The following OR2V2 variants were observed in gnomAD, a reference collection of about 807,000 sequenced individuals.
OR2V2 encodes olfactory receptor family 2 subfamily V member 2, also known as olfactory receptor 2V2.
For missense variants in OR2V2, 392 were observed against 392.2 expected, an observed-to-expected ratio of 1.00 and a Z score of 0.00; for synonymous variants, 161 against 151.3, an observed-to-expected ratio of 1.06 and a Z score of -0.47.
Position 181,155,131 on chromosome 5 carries a change from C to A in OR2V2, c.189C>A (p.Phe63Leu), listed in dbSNP as rs187715171. The A allele has an allele frequency of 1.1e-4, 170 of 1,614,236 alleles. 1 individual carries two copies. In the East Asian group the frequency reaches 3.1e-3, roughly 30 times the overall value. The change falls in exon 2 of 2, where the codon TTC (phenylalanine) becomes TTA (leucine). Residue 63 changes from phenylalanine (F) to leucine (L), a missense_variant. Transcript: ENST00000641492. ...ACCTTCACACCCCCATGTACTTCTTCCTCAGCCAGCTCTCCCTCATGGACC... is the reference window on the plus strand; with the variant it reads ...ACCTTCACACCCCCATGTACTTCTTACTCAGCCAGCTCTCCCTCATGGACC... ...DPHLHTPMYF[F>L]LSQLSLMDLM...
At chr5:181,148,814 C>A (rs139969087) in intron 1 of OR2V2, among the ~76,000 whole-genome samples, 1 of 152,292 alleles carries the variant, frequency 6.6e-6, no homozygotes, top group East Asian at 1.9e-4. Context: ...GGAGGCCTTG[C>A]CAAGAAGGCG....
rs374172644 is a variant in OR2V2 at position 181,154,937 on chromosome 5, C to T, written c.-6C>T. ...TTCTCAGGTGACCAGGAGCAACAAC[C>T]GAGCCATGGAGACGTGGGTGAACCA... On this transcript the variant is annotated 5_prime_UTR_variant, in exon 2 of 2. Coordinates refer to ENST00000641492, the MANE Select transcript of OR2V2 (RefSeq NM_206880.2). The T allele has an allele frequency of 2.2e-5, 35 of 1,603,102 alleles. No individual in the cohort carries two copies. Among genetic ancestry groups the T allele is most frequent in the Non-Finnish European group, 2.6e-5 (31 of 1,170,486 alleles).
At position 181,156,031 on chromosome 5, in the gene OR2V2, C is replaced by G. The variant is rs1763259940; in HGVS notation, c.*141C>G. ...CAGACTTGGAAGGTCTTTTTAAACA[C>G]TACATCAGTTCTTTCTTTCTTTCTT... On this transcript the variant is annotated 3_prime_UTR_variant, in exon 2 of 2. Transcript: ENST00000641492. The G allele has an allele frequency of 1.9e-6, 1 of 538,578 alleles. No homozygotes were observed. Among genetic ancestry groups the G allele is most frequent in the Non-Finnish European group, 3.0e-6 (1 of 338,780 alleles). The allele number at this position is 538,578 out of a possible 1,614,324, so 33.4% of individuals were successfully genotyped here.
chr5:181,158,257 T>A lies in OR2V2; in HGVS notation c.*2367T>A, dbSNP rs1174728809. 6.6e-6 allele frequency: 1 copy of A among 151,646 alleles called. No individual in the cohort carries two copies. Among genetic ancestry groups the A allele is most frequent in the Non-Finnish European group, 1.5e-5 (1 of 67,936 alleles). The allele number at this position is 151,646 out of a possible 1,614,324, so 9.4% of individuals were successfully genotyped here. ...TGAAACAAGAGTTGCATAACTAGTC[T>A]CAGTGTGAGCAACTGCAAACTTAGA... On this transcript the variant is annotated 3_prime_UTR_variant, in exon 2 of 2. Coordinates refer to ENST00000641492, the MANE Select transcript of OR2V2 (RefSeq NM_206880.2).
At position 181,155,391 on chromosome 5, in the gene OR2V2, G is replaced by A; in HGVS notation, c.449G>A (p.Trp150Ter). 6.2e-7 allele frequency: 1 copy of A among 1,614,186 alleles called. No individual in the cohort carries two copies. Among genetic ancestry groups the A allele is most frequent in the Non-Finnish European group, 8.5e-7 (1 of 1,180,022 alleles). The change falls in exon 2 of 2, where the codon TGG becomes TAG. Residue 150 changes from tryptophan to a stop codon, truncating the protein, a stop_gained. Transcript: ENST00000641492. LOFTEE classifies it low-confidence loss of function (END_TRUNC). ...RVCLQITGSSWAFGIIDGLIQ... is the reference protein window; with the variant it reads ...RVCLQITGSS ...TGTCTCCAGATTACTGGGAGCTCCT[G>A]GGCCTTTGGGATAATCGATGGCTTG...
Position 181,157,580 on chromosome 5 carries a change from C to T in OR2V2, c.*1690C>T, listed in dbSNP as rs2113350662. ...GAAAATAGAAGTAACTTTCCTTAGT[C>T]ACGGGGCTGCAAGATTTTCCACTGT... On this transcript the variant is annotated 3_prime_UTR_variant, in exon 2 of 2. Coordinates refer to ENST00000641492, the MANE Select transcript of OR2V2 (RefSeq NM_206880.2). 1 of 152,354 alleles carries T rather than the reference C, an allele frequency of 6.6e-6. No individual in the cohort carries two copies. Among genetic ancestry groups the T allele is most frequent in the Non-Finnish European group, 1.5e-5 (1 of 68,040 alleles). 9.4% of individuals were successfully genotyped at this position (152,354 alleles called of 1,614,324 possible).
rs1162708025 is a variant in OR2V2, at chr5:181,155,818, C to T, written c.876C>T (p.Ser292=). 2.5e-6 allele frequency: 4 copies of T among 1,614,196 alleles called. No individual in the cohort carries two copies. Among genetic ancestry groups the T allele is most frequent in the Non-Finnish European group, 2.5e-6 (3 of 1,180,038 alleles). The part of the protein sequence containing the change: ...LTPMLNPLIY[S]LRNREVMGAL... ...CCATGCTCAACCCCCTCATTTACAG[C>T]TTGAGGAACAGGGAGGTGATGGGGG... Residue 292 remains serine, a synonymous_variant, in exon 2 of 2, where the codon AGC becomes AGT. Transcript: ENST00000641492.
chr5:181,150,175 T>C (rs565475418), intron 1 of OR2V2, among the ~76,000 whole-genome samples: 40 of 152,326 alleles, frequency 2.6e-4, no homozygotes, highest in African/African-American at 9.4e-4. Flanking sequence ...GCACATCTTC[T>C]AGGGCACAAG....
intron 1 of OR2V2, among the ~76,000 whole-genome samples, chr5:181,153,475 T>A (rs1182408437): frequency 6.6e-6 from 1 of 151,928 alleles, no homozygotes; most frequent in Non-Finnish European, 1.5e-5. Context: ...TCGCTTGGGC[T>A]CAGGAGCTCG....
chr5:181,153,049 G>A (rs78929182), intron 1 of OR2V2, among the ~76,000 whole-genome samples: 2,367 of 152,354 alleles, frequency 0.016, 53 homozygotes, highest in African/African-American at 0.054. Context: ...GGTGCCTGAC[G>A]GTGCAGGCCC....
Position 181,156,972 on chromosome 5 carries a change from C to G in OR2V2, c.*1082C>G, listed in dbSNP as rs1763273983. 6.6e-6 allele frequency: 1 copy of G among 152,254 alleles called. No individual in the cohort carries two copies. The highest frequency in any genetic ancestry group is 1.5e-5 in the Non-Finnish European group (1 of 68,040). The allele number at this position is 152,254 out of a possible 1,614,324, so 9.4% of individuals were successfully genotyped here. A position where few individuals can be genotyped will look rare whatever the true frequency, so the allele number is the denominator to read the frequency against. On this transcript the variant is annotated 3_prime_UTR_variant, in exon 2 of 2. Transcript: ENST00000641492. Reference sequence around the variant, plus strand: ...AGCAGTGTGTGCTGCTCTGTGTCAGCTCAGCTTCTGTAAGGAGAAAACTGG... The same window carrying G: ...AGCAGTGTGTGCTGCTCTGTGTCAGGTCAGCTTCTGTAAGGAGAAAACTGG...
rs1554096518 is a variant in OR2V2 at position 181,156,039 on chromosome 5, G to GCTCTTTCTTTCT, written c.*149_*150insCTCTTTCTTTCT. ...GAAGGTCTTTTTAAACACTACATCAGTTCTTTCTTTCTTTCTTTCTTTCTT... is the reference window on the plus strand; with the variant it reads ...GAAGGTCTTTTTAAACACTACATCAGCTCTTTCTTTCTTTCTTTCTTTCTTTCTTTCTTTCTT... On this transcript the variant is annotated 3_prime_UTR_variant, in exon 2 of 2. Transcript: ENST00000641492. 2.1e-6 allele frequency: 1 copy of GCTCTTTCTTTCT among 487,444 alleles called. No homozygotes were observed. The highest frequency in any genetic ancestry group is 3.5e-6 in the Non-Finnish European group (1 of 287,822). The allele number at this position is 487,444 out of a possible 1,614,324, so 30.2% of individuals were successfully genotyped here.
intron 1 of OR2V2, 70 bp downstream of exon 1, chr5:181,148,065 G>A (rs765805167): frequency 8.8e-5 from 35 of 398,638 alleles, no homozygotes; most frequent in Middle Eastern, 6.2e-4. Flanking sequence ...GCTGGTTCAC[G>A]TCCCCATTTG....
In OR2V2 at chr5:181,155,401, G is replaced by A. The variant is rs749288116; in HGVS notation, c.459G>A (p.Gly153=). The stretch of plus-strand genomic sequence containing the variant: ...TTACTGGGAGCTCCTGGGCCTTTGG[G>A]ATAATCGATGGCTTGATCCAGATGG... ...LQITGSSWAF[G]IIDGLIQMVV... The change falls in exon 2 of 2, where the codon GGG becomes GGA. Residue 153 remains glycine (G), a synonymous_variant. Coordinates refer to ENST00000641492, the MANE Select transcript of OR2V2 (RefSeq NM_206880.2). The A allele has an allele frequency of 1.2e-6, 2 of 1,614,206 alleles. No homozygotes were observed. Among genetic ancestry groups the A allele is most frequent in the Admixed American group, 1.7e-5 (1 of 60,026 alleles).
intron 1 of OR2V2, among the ~76,000 whole-genome samples, chr5:181,148,286 C>G (rs970776118): frequency 1.3e-5 from 2 of 152,066 alleles, no homozygotes; most frequent in African/African-American, 2.4e-5. Context: ...AGACTGGGCT[C>G]TAGGTCCCTG....
In OR2V2 at chr5:181,155,258, G is replaced by A. The variant is rs77629911; in HGVS notation, c.316G>A (p.Val106Ile). The part of the protein sequence containing the change: ...VGCGIQIGLF[V>I]CLVGSEGLLL... The stretch of plus-strand genomic sequence containing the variant: ...CTGTGGCATACAAATTGGCCTCTTT[G>A]TCTGTCTTGTGGGATCTGAGGGGCT... The change falls in exon 2 of 2, where the codon GTC becomes ATC. Residue 106 changes from valine (V) to isoleucine (I), a missense_variant. Val to Ile is a conservative substitution (Grantham distance 29). Transcript: ENST00000641492. 5 of 1,425,964 alleles carry A rather than the reference G, an allele frequency of 3.5e-6. No individual in the cohort carries two copies. The highest frequency in any genetic ancestry group is 4.7e-6 in the Non-Finnish European group (5 of 1,058,276). The allele number at this position is 1,425,964 out of a possible 1,614,324, so 88.3% of individuals were successfully genotyped here.
In OR2V2 at chr5:181,155,782, G is replaced by C. The variant is rs763155478; in HGVS notation, c.840G>C (p.Thr280=). 6 of 1,613,952 alleles carry C rather than the reference G, an allele frequency of 3.7e-6. No individual in the cohort carries two copies. The Admixed American group carries it at 1.0e-4, about 27-fold the overall frequency. The change falls in exon 2 of 2, where the codon ACG becomes ACC. Residue 280 remains threonine (T), a synonymous_variant. Coordinates refer to ENST00000641492, the MANE Select transcript of OR2V2 (RefSeq NM_206880.2). ...SHDKVASIFY[T]VLTPMLNPLI... is the part of the protein sequence containing the mutation. The stretch of plus-strand genomic sequence containing the variant: ...ACAAGGTGGCCTCTATCTTCTACAC[G>C]GTCCTTACTCCCATGCTCAACCCCC...
rs986664436 is a variant in OR2V2, at chr5:181,157,279, G to A, written c.*1389G>A. 1 of 152,306 alleles carries A rather than the reference G, an allele frequency of 6.6e-6. No individual in the cohort carries two copies. The highest frequency in any genetic ancestry group is 2.4e-5 in the African/African-American group (1 of 41,460). 9.4% of individuals were successfully genotyped at this position (152,306 alleles called of 1,614,324 possible). A position where few individuals can be genotyped will look rare whatever the true frequency, so the allele number is the denominator to read the frequency against. ...GCTTCAGGCTTTGGAGAGGTGGAGG[G>A]AAGTGGCACCCAGGGCCTACCGTGG... On this transcript the variant is annotated 3_prime_UTR_variant, in exon 2 of 2. Transcript: ENST00000641492.
intron 1 of OR2V2, among the ~76,000 whole-genome samples, 174 bp from the exon 2 acceptor site, chr5:181,154,745 C>A (rs777307880): frequency 2.6e-5 from 4 of 152,096 alleles, no homozygotes; most frequent in Non-Finnish European, 4.4e-5. Flanking sequence ...ATTCTAGGAG[C>A]CAGGAGGGCC....
Sources: gnomAD v4.1 joint callset for allele counts (sites outside exome capture counted in the v4.1 genomes callset) on GRCh38, gnomAD v4.1.1 for gene constraint, MANE v1.5 for transcripts, NCBI Gene and HGNC (gene_info 2026-07-23, HGNC 2026-07-21) for gene names.